The following NOX4 variants were observed in gnomAD, a reference collection of about 807,000 sequenced individuals.
NOX4 encodes NADPH oxidase 4, also known as kidney oxidase-1.
A neutral mutation model predicts 87.6 loss-of-function variants in NOX4; 69 were observed. The ratio of observed to expected loss-of-function variants is 0.79; its 90% CI spans 0.65 to 0.96. NOX4 has a LOEUF of 0.96. Ranked by LOEUF, NOX4 falls within the 40% of genes least tolerant of loss-of-function variation. NOX4 has a pLI of 0.00. For synonymous variants in NOX4, 275 were observed against 238.2 expected, an observed-to-expected ratio of 1.15 and a Z score of -1.42; for missense variants, 680 against 681.5, an observed-to-expected ratio of 1.00 and a Z score of 0.02.
intron 6 of NOX4, among the ~76,000 whole-genome samples, chr11:89,440,359 G>A (rs1944402727): frequency 6.6e-6 from 1 of 151,500 alleles, no homozygotes; most frequent in African/African-American, 2.4e-5. Context: ...ACTCTGTCAC[G>A]CCCAGGCTGG....
chr11:89,549,077 T>C, the NOX4 span, among the ~76,000 whole-genome samples: 3 of 152,240 alleles, frequency 2.0e-5, no homozygotes, highest in Non-Finnish European at 4.4e-5. Context: ...TTTATCTCCT[T>C]CCAGGGAGCA....
At chr11:89,479,739 C>T (rs1339222245) in intron 2 of NOX4, among the ~76,000 whole-genome samples, 1 of 152,136 alleles carries the variant, frequency 6.6e-6, no homozygotes, top group Non-Finnish European at 1.5e-5. Context: ...CCTTCTTTTC[C>T]TTTATTTACT....
At chr11:89,488,654 T>G (rs904091134) in intron 2 of NOX4, among the ~76,000 whole-genome samples, 2 of 152,196 alleles carry the variant, frequency 1.3e-5, no homozygotes, top group African/African-American at 4.8e-5. Flanking sequence ...GTTCTTAGAT[T>G]TTTATATTAA....
chr11:89,426,877 G>T (rs945761258), intron 7 of NOX4, among the ~76,000 whole-genome samples: 1 of 152,116 alleles, frequency 6.6e-6, no homozygotes, highest in African/African-American at 2.4e-5. Flanking sequence ...GAGAGTAGTG[G>T]TTCTCCCAGC....
At chr11:89,409,537 G>C (rs540846134) in intron 8 of NOX4, among the ~76,000 whole-genome samples, 5 of 151,898 alleles carry the variant, frequency 3.3e-5, no homozygotes, top group Non-Finnish European at 5.9e-5. Context: ...TCGTTAATGG[G>C]GTAAATATCA....
At chr11:89,530,264 G>A in the NOX4 span, among the ~76,000 whole-genome samples, 1 of 149,258 alleles carries the variant, frequency 6.7e-6, no homozygotes, top group East Asian at 2.0e-4. Flanking sequence ...TAACTCACAG[G>A]GCTCCCATAA....
chr11:89,478,939 T>C (rs956016934), intron 2 of NOX4, among the ~76,000 whole-genome samples: 1 of 151,682 alleles, frequency 6.6e-6, no homozygotes, highest in East Asian at 1.9e-4. Flanking sequence ...TAGTGCACTA[T>C]GATCATGCCT....
chr11:89,416,634 ACTCCTGTGATG>A (rs913122783), intron 8 of NOX4, among the ~76,000 whole-genome samples: 1 of 151,914 alleles, frequency 6.6e-6, no homozygotes, highest in Non-Finnish European at 1.5e-5. Context: ...TTGAGTCTAA[ACTCCTGTGATG>A]CTCCCTGTTA....
the NOX4 span, among the ~76,000 whole-genome samples, chr11:89,504,980 T>C: frequency 6.6e-6 from 1 of 151,988 alleles, no homozygotes; most frequent in African/African-American, 2.4e-5. Context: ...TGGGTTTTGG[T>C]TGCCACCTTG....
intron 2 of NOX4, among the ~76,000 whole-genome samples, chr11:89,486,294 T>TTATTTAAATAAATAAATAAATAAATAA (rs1565348638): frequency 2.0e-5 from 3 of 148,038 alleles, no homozygotes; most frequent in African/African-American, 7.5e-5. Flanking sequence ...TAAATAAATT[T>TTATTTAAATAAATAAATAAATAAATAA]ATTTATTTAA....
chr11:89,540,000 G>A, the NOX4 span, among the ~76,000 whole-genome samples: 4 of 152,126 alleles, frequency 2.6e-5, no homozygotes, highest in African/African-American at 7.2e-5. Context: ...TCAGGCTTGA[G>A]TTTCAAGATC....
At chr11:89,337,602 A>T in intron 15 of NOX4, 87 bp from the exon 16 acceptor site, 1 of 1,561,442 alleles carries the variant, frequency 6.4e-7, no homozygotes, top group Non-Finnish European at 8.7e-7. Context: ...TGATTCTAGA[A>T]TTTAACACAA....
chr11:89,509,447 C>A, the NOX4 span, among the ~76,000 whole-genome samples: 1 of 151,980 alleles, frequency 6.6e-6, no homozygotes, highest in African/African-American at 2.4e-5. Flanking sequence ...ACAAAGAAGA[C>A]AAATTCTTCA....
At chr11:89,485,954 G>A (rs900134545) in intron 2 of NOX4, among the ~76,000 whole-genome samples, 6 of 151,992 alleles carry the variant, frequency 3.9e-5, no homozygotes, top group African/African-American at 9.7e-5. Context: ...CCATGACCAC[G>A]TTGCCTCCAC....
At chr11:89,552,950 A>C in the NOX4 span, among the ~76,000 whole-genome samples, 1 of 152,174 alleles carries the variant, frequency 6.6e-6, no homozygotes, top group African/African-American at 2.4e-5. Context: ...ATCAGTAATA[A>C]CATTTTCATT....
At chr11:89,432,321 C>T (rs183503633) in intron 7 of NOX4, among the ~76,000 whole-genome samples, 143 of 151,704 alleles carry the variant, frequency 9.4e-4, no homozygotes, top group African/African-American at 2.6e-3. Flanking sequence ...GCACATTATG[C>T]ACATGTACCC....
intron 3 of NOX4, 124 bp downstream of exon 3, chr11:89,451,661 T>C (rs1344711690): frequency 1.5e-6 from 1 of 656,762 alleles, no homozygotes; most frequent in East Asian, 2.9e-5. Context: ...ACATGTCTTT[T>C]ACCATCATCT....
chr11:89,577,473 C>G, the NOX4 span: 17 of 152,250 alleles, frequency 1.1e-4, no homozygotes, highest in Non-Finnish European at 2.1e-4. Flanking sequence ...ATTTGAAGAT[C>G]TTTTATTATG....
chr11:89,447,762 T>A (rs762946438), intron 4 of NOX4, among the ~76,000 whole-genome samples: 10 of 152,136 alleles, frequency 6.6e-5, no homozygotes, highest in Non-Finnish European at 1.5e-4. Context: ...CCTCCATTTC[T>A]GACCTTTCAC....
Sources: allele counts gnomAD v4.1 joint callset (sites outside exome capture counted in the v4.1 genomes callset), GRCh38; gene constraint gnomAD v4.1.1; transcripts MANE v1.5; gene names NCBI Gene and HGNC (gene_info 2026-07-23, HGNC 2026-07-21).